The following RBMS2 variants were observed in gnomAD, a reference collection of about 807,000 sequenced individuals.
The protein encoded by RBMS2 is RNA binding motif single stranded interacting protein 2.
RBMS2 carries 38 observed loss-of-function variants against 58.4 expected under a neutral mutation model. The ratio of observed to expected loss-of-function variants is 0.65; its 90% CI spans 0.50 to 0.85. RBMS2 has a LOEUF of 0.85. Ranked by LOEUF, RBMS2 falls within the 40% of genes least tolerant of loss-of-function variation. The pLI is 0.00. For synonymous variants in RBMS2, 151 were observed against 180.7 expected (o/e 0.84, Z 1.32); for missense variants, 367 against 503.7 (o/e 0.73, Z 2.60).
chr12:56,582,011 C>T (rs2136557116), intron 8 of RBMS2, 48 bp from the exon 9 acceptor site: 2 of 1,567,070 alleles, frequency 1.3e-6, no homozygotes, highest in East Asian at 4.5e-5. Context: ...GGGACCCTTC[C>T]CTTGTGGTTT....
intron 1 of RBMS2, among the ~76,000 whole-genome samples, chr12:56,539,084 C>T (rs1376948234): frequency 1.3e-5 from 2 of 150,772 alleles, no homozygotes; most frequent in Non-Finnish European, 2.9e-5. Flanking sequence ...GGCGCAATCT[C>T]GGCTTACTGC....
intron 9 of RBMS2, among the ~76,000 whole-genome samples, chr12:56,582,917 G>T (rs528036320): frequency 3.9e-5 from 6 of 151,930 alleles, no homozygotes; most frequent in Non-Finnish European, 7.4e-5. Flanking sequence ...TGATCCGCCC[G>T]CCTCGGCCTC....
chr12:56,588,863 G>A, intron 12 of RBMS2, 69 bp from the exon 13 acceptor site: 1 of 1,507,486 alleles, frequency 6.6e-7, no homozygotes, highest in Non-Finnish European at 9.2e-7. Context: ...GTGGGCTTTG[G>A]TCAGGCTGCT....
In RBMS2 at chr12:56,594,560, C is replaced by T. The variant is rs1885565604; in HGVS notation, c.*5427C>T. 6.6e-6 allele frequency: 1 copy of T among 152,232 alleles called. No homozygotes were observed. The highest frequency in any genetic ancestry group is 1.5e-5 in the Non-Finnish European group (1 of 68,040). The allele number at this position is 152,232 out of a possible 1,614,324, so 9.4% of individuals were successfully genotyped here. ...TGCCTACATTTTCAATCCTCCCACG[C>T]ATTAGCAAATTCCTGAAATTTCCTC... On this transcript the variant is annotated 3_prime_UTR_variant, in exon 14 of 14. Coordinates refer to ENST00000262031, the MANE Select transcript of RBMS2 (RefSeq NM_002898.4).
Position 56,582,163 on chromosome 12 carries a change from G to A in RBMS2, c.873+11G>A, listed in dbSNP as rs1384236060. On this transcript the variant is annotated intron_variant, in intron 9 of 13. Coordinates refer to ENST00000262031, the MANE Select transcript of RBMS2 (RefSeq NM_002898.4). ...GTGTCTTCGTATCAGGTATGTTCAT[G>A]CCTGAAAAATGGTGTGGTGGTTTTC... The A allele has an allele frequency of 1.9e-6, 3 of 1,578,920 alleles. No homozygotes were observed. The highest frequency in any genetic ancestry group is 2.2e-5 in the South Asian group (2 of 88,910).
intron 2 of RBMS2, among the ~76,000 whole-genome samples, chr12:56,566,468 T>C (rs1881361924): frequency 1.3e-5 from 2 of 152,140 alleles, no homozygotes; most frequent in African/African-American, 4.8e-5. Context: ...ACTACTCAAG[T>C]TTTAGAAGTT....
chr12:56,556,736 TA>T (rs1879303450), intron 1 of RBMS2, among the ~76,000 whole-genome samples: 1 of 152,148 alleles, frequency 6.6e-6, no homozygotes, highest in African/African-American at 2.4e-5. Context: ...GAACTATATT[TA>T]AGGCCAAAAT....
chr12:56,552,080 T>G (rs1465019806), intron 1 of RBMS2, among the ~76,000 whole-genome samples: 1 of 152,126 alleles, frequency 6.6e-6, no homozygotes, highest in Non-Finnish European at 1.5e-5. Context: ...GAGGAAGGCA[T>G]GAAAAGCCTG....
chr12:56,561,769 C>A (rs998643498), intron 1 of RBMS2, among the ~76,000 whole-genome samples: 1 of 11,398 alleles, frequency 8.8e-5, no homozygotes, highest in Non-Finnish European at 3.1e-3. Flanking sequence ...CCCCCCCCCT[C>A]CTTGGCCTCC....
At chr12:56,579,771 A>G (rs560310597) in intron 5 of RBMS2, among the ~76,000 whole-genome samples, 1 of 152,258 alleles carries the variant, frequency 6.6e-6, no homozygotes, top group African/African-American at 2.4e-5. Flanking sequence ...ATAGGTGAAA[A>G]TACTGTTCCT....
At position 56,588,719 on chromosome 12, in the gene RBMS2, TG is replaced by T; in HGVS notation, c.1144-212del. On this transcript the variant is annotated intron_variant, in intron 12 of 13. Transcript: ENST00000262031. ...GGCCAGCCAGTAGTTGACACCAGGA[TG>T]CTGGCTTGTATTGACTAATGCGTCT... 1.8e-5 allele frequency: 11 copies of T among 604,502 alleles called. No individual in the cohort carries two copies. The South Asian group carries it at 2.2e-4, about 12-fold the overall frequency. 37.4% of individuals were successfully genotyped at this position (604,502 alleles called of 1,614,324 possible). A position where few individuals can be genotyped will look rare whatever the true frequency, so the allele number is the denominator to read the frequency against.
chr12:56,572,742 G>A, intron 5 of RBMS2: 1 of 978,584 alleles, frequency 1.0e-6, no homozygotes, highest in Non-Finnish European at 1.2e-6. Context: ...GATCCTTCTG[G>A]CTTTGAGAGC....
rs575710899 is a variant in RBMS2 at position 56,552,037 on chromosome 12, G to A, written c.67-10380G>A. Among the ~76,000 whole-genome samples, 34 of 152,330 alleles carry A rather than the reference G, an allele frequency of 2.2e-4. No homozygotes were observed. The South Asian group carries it at 6.0e-3, about 27-fold the overall frequency. On this transcript the variant is annotated intron_variant, in intron 1 of 13. Coordinates refer to ENST00000262031, the MANE Select transcript of RBMS2 (RefSeq NM_002898.4). Reference sequence around the variant, plus strand: ...CAGGAGGTAGAGGTTGCAGTGAGCCGAGATCGTGCCACTGCACTCAGCCTG... The same window carrying A: ...CAGGAGGTAGAGGTTGCAGTGAGCCAAGATCGTGCCACTGCACTCAGCCTG...
At chr12:56,531,937 G>T (rs1873820601) in intron 1 of RBMS2, among the ~76,000 whole-genome samples, 1 of 151,698 alleles carries the variant, frequency 6.6e-6, no homozygotes, top group Non-Finnish European at 1.5e-5. Context: ...AAAACATTGT[G>T]GGCCGGGCAC....
At chr12:56,581,294 C>T in intron 6 of RBMS2, 31 bp downstream of exon 6, 1 of 1,584,208 alleles carries the variant, frequency 6.3e-7, no homozygotes. Context: ...GCTGAGAGGG[C>T]CACAGGTTGT....
intron 11 of RBMS2, 28 bp downstream of exon 11, chr12:56,587,692 C>T (rs748879292): frequency 6.2e-7 from 1 of 1,606,164 alleles, no homozygotes; most frequent in South Asian, 1.1e-5. Flanking sequence ...TGATTGTAAA[C>T]TCTCCTACTG....
At position 56,569,911 on chromosome 12, in the gene RBMS2, T is replaced by C. The variant is rs765954581; in HGVS notation, c.305T>C (p.Val102Ala). The C allele has an allele frequency of 1.9e-6, 3 of 1,613,310 alleles. No homozygotes were observed. Among genetic ancestry groups the C allele is most frequent in the African/African-American group, 2.7e-5 (2 of 74,898 alleles). ...TTNKCKGYGF[V>A]DFDSPSAAQK... The stretch of plus-strand genomic sequence containing the variant: ...TCCTCTGTTCCAGGCTATGGCTTTG[T>C]AGATTTTGACAGCCCTTCAGCAGCA... The change falls in exon 4 of 14, where the codon GTA becomes GCA. Residue 102 changes from valine (V) to alanine (A), a missense_variant. Transcript: ENST00000262031.
At chr12:56,559,186 A>T (rs972579233) in intron 1 of RBMS2, among the ~76,000 whole-genome samples, 2 of 149,644 alleles carry the variant, frequency 1.3e-5, no homozygotes, top group Admixed American at 6.7e-5. Context: ...AAAGAAGGAC[A>T]TTTTTTTTTT....
At chr12:56,587,120 A>G (rs909027343) in intron 10 of RBMS2, among the ~76,000 whole-genome samples, 194 bp downstream of exon 10, 7 of 152,212 alleles carry the variant, frequency 4.6e-5, no homozygotes, top group African/African-American at 1.7e-4. Context: ...GCCAAAAATT[A>G]GCCAGGTGTA....
Sources: gnomAD v4.1 joint callset for allele counts (sites outside exome capture counted in the v4.1 genomes callset) on GRCh38, gnomAD v4.1.1 for gene constraint, MANE v1.5 for transcripts, NCBI Gene and HGNC (gene_info 2026-07-23, HGNC 2026-07-21) for gene names.